The following ATP9B variants were observed in gnomAD, a reference collection of about 807,000 sequenced individuals.
ATP9B encodes the protein ATPase phospholipid transporting 9B.
Under a neutral mutation model 146.1 loss-of-function variants are expected in ATP9B, and 110 were observed. That is an observed-to-expected ratio of 0.75 (90% confidence interval 0.65 to 0.88). ATP9B has a LOEUF of 0.88. Among genes scored for constraint, ATP9B ranks in the 40% least tolerant of loss-of-function variants. The pLI, the probability that ATP9B is intolerant of heterozygous loss-of-function variation, is 0.00. For synonymous variants in ATP9B, 604 were observed against 569.7 expected, an observed-to-expected ratio of 1.06 and a Z score of -0.86; for missense variants, 1,499 against 1,496.4, an observed-to-expected ratio of 1.00 and a Z score of -0.03.
At chr18:79,255,922 A>G (rs1248914222) in intron 12 of ATP9B, among the ~76,000 whole-genome samples, 3 of 152,152 alleles carry the variant, frequency 2.0e-5, no homozygotes, top group Non-Finnish European at 4.4e-5. Context: ...CATTTTTATT[A>G]GAGCTTCATG....
intron 19 of ATP9B, chr18:79,340,252 G>A (rs1459358315): frequency 6.6e-6 from 1 of 152,146 alleles, no homozygotes; most frequent in South Asian, 2.1e-4. Flanking sequence ...TCAATTATTT[G>A]CTAAGTTATA....
At chr18:79,306,255 G>GTCA (rs2096619800) in intron 14 of ATP9B, among the ~76,000 whole-genome samples, 2 of 152,292 alleles carry the variant, frequency 1.3e-5, no homozygotes, top group Middle Eastern at 3.4e-3. Flanking sequence ...GTTGGGGTTG[G>GTCA]GGGGAGTGTC....
At position 79,294,024 on chromosome 18, in the gene ATP9B, T is replaced by C. The variant is rs73973067; in HGVS notation, c.1412-9580T>C. Among the ~76,000 whole-genome samples the C allele has an allele frequency of 2.5e-3, 381 of 152,168 alleles. 4 individuals are homozygous for C. Among genetic ancestry groups the C allele is most frequent in the African/African-American group, 8.7e-3 (361 of 41,510 alleles). On this transcript the variant is annotated intron_variant, in intron 13 of 29. Transcript: ENST00000426216. ...GCAAAGTATAATAGCATAGCTGAAG[T>C]TGGGAATCTCAGAACTTGAAATACT...
Position 79,160,091 on chromosome 18 carries a change from C to T in ATP9B, c.778+5536C>T, listed in dbSNP as rs560439503. Among the ~76,000 whole-genome samples, 11 of 152,250 alleles carry T rather than the reference C, an allele frequency of 7.2e-5. No individual in the cohort carries two copies. In the South Asian group the frequency reaches 2.1e-3, roughly 29 times the overall value. On this transcript the variant is annotated intron_variant, in intron 7 of 29. Coordinates refer to ENST00000426216, the MANE Select transcript of ATP9B (RefSeq NM_198531.5). ...TGTGTGTCTTGTGATATTTTTGTGT[C>T]TTTGTTGCTCCATTACTGCCTTCTT...
chr18:79,345,387 T>G (rs745539656), intron 21 of ATP9B, 41 bp from the exon 22 acceptor site: 12 of 1,604,984 alleles, frequency 7.5e-6, no homozygotes, highest in Non-Finnish European at 9.4e-6. Flanking sequence ...GGGACACTGT[T>G]GTCGACCATA....
chr18:79,334,566 G>T (rs905298304), intron 17 of ATP9B, among the ~76,000 whole-genome samples: 2 of 152,002 alleles, frequency 1.3e-5, no homozygotes, highest in Non-Finnish European at 2.9e-5. Context: ...CCCCGTCCTG[G>T]TCCACACAGC....
At chr18:79,171,533 T>C (rs890830799) in intron 7 of ATP9B, among the ~76,000 whole-genome samples, 2 of 152,196 alleles carry the variant, frequency 1.3e-5, no homozygotes, top group East Asian at 3.8e-4. Flanking sequence ...GCAAAGGTAG[T>C]ACAGGGAGAC....
intron 4 of ATP9B, among the ~76,000 whole-genome samples, chr18:79,121,214 A>G (rs2094183463): frequency 6.6e-6 from 1 of 152,194 alleles, no homozygotes; most frequent in Non-Finnish European, 1.5e-5. Context: ...ATTGTTTTGG[A>G]CTAGCTCCGC....
intron 12 of ATP9B, among the ~76,000 whole-genome samples, chr18:79,263,822 C>T (rs1237085202): frequency 2.6e-5 from 4 of 152,206 alleles, no homozygotes; most frequent in East Asian, 3.9e-4. Context: ...CGTTGGCTCA[C>T]GCCTGTAATC....
intron 11 of ATP9B, among the ~76,000 whole-genome samples, chr18:79,235,509 G>A (rs1010750890): frequency 2.6e-5 from 4 of 151,932 alleles, no homozygotes; most frequent in African/African-American, 9.7e-5. Context: ...TATAATACTT[G>A]TTTTCTGTGA....
At chr18:79,073,211 A>C (rs1477650685) in intron 1 of ATP9B, among the ~76,000 whole-genome samples, 1 of 152,132 alleles carries the variant, frequency 6.6e-6, no homozygotes, top group Non-Finnish European at 1.5e-5. Context: ...GACGCTCCTC[A>C]CTTCCTAGAT....
At chr18:79,175,197 CAAAAAAAAAAAAAAAA>C (rs1279822914) in intron 7 of ATP9B, among the ~76,000 whole-genome samples, 1 of 57,448 alleles carries the variant, frequency 1.7e-5, no homozygotes, top group African/African-American at 5.6e-5. Flanking sequence ...GAGACTGTCT[CAAAAAAAAAAAAAAAA>C]GAAAAAAAAA....
chr18:79,283,205 CA>C (rs1220904267), intron 13 of ATP9B, among the ~76,000 whole-genome samples: 1 of 152,212 alleles, frequency 6.6e-6, no homozygotes, highest in African/African-American at 2.4e-5. Context: ...CTTTTGCAGT[CA>C]CCTTGGGGGC....
intron 12 of ATP9B, among the ~76,000 whole-genome samples, chr18:79,269,437 G>A (rs940277316): frequency 6.6e-6 from 1 of 152,068 alleles, no homozygotes; most frequent in Non-Finnish European, 1.5e-5. Flanking sequence ...ATTCTGGTTG[G>A]TTTCTTTATC....
chr18:79,267,200 A>C (rs1287822227), intron 12 of ATP9B, among the ~76,000 whole-genome samples: 1 of 152,072 alleles, frequency 6.6e-6, no homozygotes, highest in Non-Finnish European at 1.5e-5. Flanking sequence ...AGTTTTATTT[A>C]CAACAGTTTG....
chr18:79,211,470 T>C (rs563420441), intron 10 of ATP9B, among the ~76,000 whole-genome samples: 59 of 152,310 alleles, frequency 3.9e-4, no homozygotes, highest in Non-Finnish European at 7.9e-4. Flanking sequence ...CTCTTTGAAG[T>C]AGGCTAAGTC....
At position 79,331,022 on chromosome 18, in the gene ATP9B, C is replaced by T. The variant is rs2298721; in HGVS notation, c.2028+918C>T. 1.8e-3 allele frequency among the ~76,000 whole-genome samples: 267 copies of T among 152,334 alleles called. 5 individuals carry two copies. The East Asian group carries it at 0.04, about 23-fold the overall frequency. ...AAGCAATCCCATATTTCATTAAATT[C>T]TCCTGAAGTAAATAGGATTTGTAGG... On this transcript the variant is annotated intron_variant, in intron 17 of 29. Transcript: ENST00000426216.
At chr18:79,375,234 C>G (rs998199718) in intron 28 of ATP9B, among the ~76,000 whole-genome samples, 160 bp from the exon 29 acceptor site, 31 of 152,218 alleles carry the variant, frequency 2.0e-4, no homozygotes, top group African/African-American at 7.2e-4. Flanking sequence ...TGTATGGTAT[C>G]AGGCAGGGAA....
intron 26 of ATP9B, among the ~76,000 whole-genome samples, chr18:79,367,093 AGT>A: frequency 1.4e-5 from 2 of 144,858 alleles, no homozygotes; most frequent in Non-Finnish European, 1.5e-5. Context: ...ACGCAGAGAA[AGT>A]GCCTCCTCAA....
Sources: allele counts gnomAD v4.1 joint callset (sites outside exome capture counted in the v4.1 genomes callset), GRCh38; gene constraint gnomAD v4.1.1; transcripts MANE v1.5; gene names NCBI Gene and HGNC (gene_info 2026-07-23, HGNC 2026-07-21).